MYO16: variants seen among roughly 807,000 people sequenced by gnomAD.
MYO16 encodes unconventional myosin-XVI.
MYO16 carries 94 observed loss-of-function variants against 205.3 expected under a neutral mutation model. The ratio of observed to expected loss-of-function variants is 0.46; its 90% CI spans 0.39 to 0.54. The LOEUF is 0.54. MYO16 is among the 20% of genes least tolerant of loss of function. The pLI is 0.00. For missense variants in MYO16, 2,315 were observed against 2,387.5 expected (o/e 0.97, Z 0.63); for synonymous variants, 988 against 954.0 (o/e 1.04, Z -0.66).
chr13:108,901,801 C>A (rs1594382109), intron 15 of MYO16, among the ~76,000 whole-genome samples: 1 of 152,020 alleles, frequency 6.6e-6, no homozygotes, highest in East Asian at 1.9e-4. Flanking sequence ...GAGTAATAAA[C>A]TGCTATAAAA....
the MYO16 span, among the ~76,000 whole-genome samples, chr13:108,556,663 T>C: frequency 6.6e-6 from 1 of 152,218 alleles, no homozygotes; most frequent in Non-Finnish European, 1.5e-5. Flanking sequence ...TAGTTTTGCC[T>C]TTCTGGCCTC....
chr13:108,807,691 C>T (rs977140437), intron 7 of MYO16, among the ~76,000 whole-genome samples: 22 of 152,042 alleles, frequency 1.4e-4, no homozygotes, highest in African/African-American at 2.7e-4. Flanking sequence ...ATTTCTGAGC[C>T]GTCCATTGTA....
chr13:108,768,209 C>T (rs1242584100), intron 4 of MYO16, among the ~76,000 whole-genome samples: 2 of 152,146 alleles, frequency 1.3e-5, no homozygotes, highest in African/African-American at 4.8e-5. Context: ...GCCCCTGGCT[C>T]CAGCACTCCT....
Position 108,712,749 on chromosome 13 carries a change from C to T in MYO16, c.363+18C>T, listed in dbSNP as rs531280455. On this transcript the variant is annotated intron_variant, in intron 3 of 34. Transcript: ENST00000457511. ...TCCATCTGGTAAGAACCGCGACAGT[C>T]AGTGCCAGTGCATGGGGACACCCGG... The T allele has an allele frequency of 6.2e-7, 1 of 1,603,288 alleles. No individual in the cohort carries two copies. Among genetic ancestry groups the T allele is most frequent in the African/African-American group, 1.3e-5 (1 of 74,604 alleles).
At chr13:108,501,547 A>G in the MYO16 span, among the ~76,000 whole-genome samples, 1 of 152,210 alleles carries the variant, frequency 6.6e-6, no homozygotes, top group South Asian at 2.1e-4. Flanking sequence ...ACTTGCAAAA[A>G]GGTCTGATTA....
At chr13:108,862,048 C>T (rs899254109) in intron 11 of MYO16, among the ~76,000 whole-genome samples, 5 of 152,076 alleles carry the variant, frequency 3.3e-5, no homozygotes, top group Non-Finnish European at 7.4e-5. Context: ...ATTATTTTAG[C>T]ATTTACAGTT....
At position 109,140,755 on chromosome 13, in the gene MYO16, C is replaced by T. The variant is rs28629928; in HGVS notation, c.4543C>T (p.Leu1515=). The part of the protein sequence containing the change: ...PNLLPHRPPL[L]VFPPTPVTCS... ...CCTGCTGCCGCACCGGCCGCCCCTGCTGGTGTTCCCCCCGACCCCCGTCAC... is the reference window on the plus strand; with the variant it reads ...CCTGCTGCCGCACCGGCCGCCCCTGTTGGTGTTCCCCCCGACCCCCGTCAC... The change falls in exon 32 of 35, where the codon CTG becomes TTG. Residue 1515 remains leucine, a synonymous_variant. Coordinates refer to ENST00000457511, the MANE Select transcript of MYO16 (RefSeq NM_001198950.3). The surrounding 1 kb of genome is among the most constrained non-coding windows in gnomAD (Gnocchi z 8.0). 4.5e-6 allele frequency: 7 copies of T among 1,545,588 alleles called. No individual in the cohort carries two copies. The South Asian group carries it at 4.8e-5, about 11-fold the overall frequency.
chr13:108,526,478 G>T, the MYO16 span, among the ~76,000 whole-genome samples: 1 of 145,510 alleles, frequency 6.9e-6, no homozygotes, highest in Admixed American at 6.8e-5. Flanking sequence ...TTTTGTGGGG[G>T]CATCTTTTTT....
At chr13:108,733,131 G>A (rs1399587112) in intron 4 of MYO16, among the ~76,000 whole-genome samples, 1 of 152,158 alleles carries the variant, frequency 6.6e-6, no homozygotes, top group Non-Finnish European at 1.5e-5. Context: ...GCTAAGCAGA[G>A]ACATGTGAGT....
At chr13:109,097,082 C>T (rs1018253828) in intron 27 of MYO16, among the ~76,000 whole-genome samples, 2 of 152,334 alleles carry the variant, frequency 1.3e-5, no homozygotes, top group Non-Finnish European at 2.9e-5. Context: ...GTAATCCCAG[C>T]ACTTTGGGAG....
chr13:108,806,930 C>T, intron 7 of MYO16, 126 bp downstream of exon 7: 1 of 650,826 alleles, frequency 1.5e-6, no homozygotes, highest in Non-Finnish European at 2.2e-6. Context: ...TTAATAGTGT[C>T]TTCTTACTGA....
rs181045519 is a variant in MYO16, at chr13:108,723,661, A to G, written c.364-3779A>G. On this transcript the variant is annotated intron_variant, in intron 3 of 34. Coordinates refer to ENST00000457511, the MANE Select transcript of MYO16 (RefSeq NM_001198950.3). The stretch of plus-strand genomic sequence containing the variant: ...GAATTGATCTATTTCTAAATTCTCT[A>G]TTATGTTTCATTGATTAATTTCATT... 1.4e-4 allele frequency among the ~76,000 whole-genome samples: 21 copies of G among 152,240 alleles called. 1 individual carries two copies. In the East Asian group the frequency reaches 3.9e-3, roughly 28 times the overall value.
At chr13:108,646,796 C>A (rs1880776405) in intron 1 of MYO16, among the ~76,000 whole-genome samples, 1 of 152,064 alleles carries the variant, frequency 6.6e-6, no homozygotes, top group African/African-American at 2.4e-5. Flanking sequence ...TTGAAAATCA[C>A]ATATTGCAAT....
the MYO16 span, among the ~76,000 whole-genome samples, chr13:108,533,659 A>G: frequency 6.6e-6 from 1 of 152,202 alleles, no homozygotes; most frequent in Non-Finnish European, 1.5e-5. Flanking sequence ...ATATGTATTT[A>G]TCACTTTTTC....
At chr13:109,148,768 C>A (rs1456668154) in intron 32 of MYO16, among the ~76,000 whole-genome samples, 1 of 152,140 alleles carries the variant, frequency 6.6e-6, no homozygotes, top group Non-Finnish European at 1.5e-5. Context: ...TTTTCTGCAG[C>A]CAGAAGAAGA....
chr13:108,529,014 C>G, the MYO16 span, among the ~76,000 whole-genome samples: 2 of 152,130 alleles, frequency 1.3e-5, no homozygotes, highest in South Asian at 4.2e-4. Context: ...TTTCATCTCT[C>G]TCTTTACATT....
intron 32 of MYO16, among the ~76,000 whole-genome samples, chr13:109,148,486 T>A (rs559043279): frequency 6.6e-6 from 1 of 152,186 alleles, no homozygotes; most frequent in Non-Finnish European, 1.5e-5. Context: ...GATAAACAAA[T>A]CTGGCATTGC....
intron 14 of MYO16, among the ~76,000 whole-genome samples, chr13:108,895,886 T>C (rs367686359): frequency 5.9e-5 from 9 of 152,224 alleles, no homozygotes; most frequent in East Asian, 5.8e-4. Context: ...CTGAATGTTT[T>C]CTCTGTGCCA....
Position 108,962,314 on chromosome 13 carries a change from T to A in MYO16, c.2156-110T>A, listed in dbSNP as rs542247828. 2.1e-4 allele frequency: 159 copies of A among 753,980 alleles called. No homozygotes were observed. The African/African-American group carries it at 2.7e-3, about 13-fold the overall frequency. 46.7% of individuals were successfully genotyped at this position (753,980 alleles called of 1,614,324 possible). A position where few individuals can be genotyped will look rare whatever the true frequency, so the allele number is the denominator to read the frequency against. On this transcript the variant is annotated intron_variant, in intron 18 of 34. Coordinates refer to ENST00000457511, the MANE Select transcript of MYO16 (RefSeq NM_001198950.3). Reference sequence around the variant, plus strand: ...TGGTAATGACTTTTTAAAATACTCATGTTTTGTAATGTGCCTATATAAAAC... The same window carrying A: ...TGGTAATGACTTTTTAAAATACTCAAGTTTTGTAATGTGCCTATATAAAAC...
Sources: gnomAD v4.1 joint callset for allele counts (sites outside exome capture counted in the v4.1 genomes callset) on GRCh38, gnomAD v4.1.1 for gene constraint, Gnocchi (gnomAD v3.1) non-coding constraint, MANE v1.5 for transcripts, NCBI Gene and HGNC (gene_info 2026-07-23, HGNC 2026-07-21) for gene names.